CSMD1: variants seen among roughly 807,000 people sequenced by gnomAD.
CSMD1 encodes the protein CUB and Sushi multiple domains 1, also known as CUB and sushi domain-containing protein 1.
In CSMD1, 213 loss-of-function variants were observed where a neutral mutation model predicts 417.5. That is an observed-to-expected ratio of 0.51 (90% confidence interval 0.46 to 0.57). CSMD1 has a LOEUF of 0.57. Among genes scored for constraint, CSMD1 ranks in the 20% least tolerant of loss-of-function variants. The probability of loss-of-function intolerance (pLI) is 0.00; values close to 1 mark genes in which losing one functional copy is unlikely to be tolerated. For missense variants in CSMD1, 6,923 were observed against 4,529.7 expected, an observed-to-expected ratio of 1.53 and a Z score of -15.17; for synonymous variants, 2,862 against 1,736.8, an observed-to-expected ratio of 1.65 and a Z score of -16.11.
intron 3 of CSMD1, among the ~76,000 whole-genome samples, chr8:4,087,641 C>G (rs10097892): frequency 2.6e-5 from 4 of 152,088 alleles, no homozygotes; most frequent in Non-Finnish European, 4.4e-5. Context: ...GATACTCTCA[C>G]ATTCTTACTC....
chr8:2,996,187 G>A (rs549292101), intron 54 of CSMD1, among the ~76,000 whole-genome samples: 1 of 152,118 alleles, frequency 6.6e-6, no homozygotes, highest in Admixed American at 6.5e-5. Flanking sequence ...GGAAAAAAGA[G>A]AGAGAATTGA....
intron 1 of CSMD1, among the ~76,000 whole-genome samples, chr8:4,901,497 C>T (rs982775377): frequency 6.6e-6 from 1 of 151,612 alleles, no homozygotes; most frequent in Admixed American, 6.6e-5. Context: ...TATGTTTTTC[C>T]ATCTTTGTGA....
chr8:4,147,910 G>A (rs973431012), intron 3 of CSMD1, among the ~76,000 whole-genome samples: 9 of 152,080 alleles, frequency 5.9e-5, no homozygotes, highest in Non-Finnish European at 1.2e-4. Flanking sequence ...CAAAGCCTCG[G>A]AGGCTCCTGC....
At chr8:3,996,135 C>G (rs986795402) in intron 5 of CSMD1, among the ~76,000 whole-genome samples, 1 of 152,192 alleles carries the variant, frequency 6.6e-6, no homozygotes, top group Non-Finnish European at 1.5e-5. Flanking sequence ...TTGGCAAAAG[C>G]TGCCACTGAT....
At chr8:3,584,004 T>G (rs1375830299) in intron 9 of CSMD1, among the ~76,000 whole-genome samples, 1 of 151,950 alleles carries the variant, frequency 6.6e-6, no homozygotes, top group Non-Finnish European at 1.5e-5. Flanking sequence ...TCAACACTAG[T>G]AAAACCCATC....
At chr8:3,060,916 T>C (rs192015111) in intron 49 of CSMD1, among the ~76,000 whole-genome samples, 437 of 152,314 alleles carry the variant, frequency 2.9e-3, no homozygotes, top group Non-Finnish European at 4.3e-3. Context: ...AGAGATGCTG[T>C]GGGTATGCTG....
intron 6 of CSMD1, among the ~76,000 whole-genome samples, chr8:3,711,899 AC>A (rs1167530653): frequency 6.6e-6 from 1 of 152,196 alleles, no homozygotes; most frequent in Non-Finnish European, 1.5e-5. Context: ...AACAGATAAG[AC>A]AAACAGAGAT....
rs377439041 is a variant in CSMD1, at chr8:3,497,842, A to G, written c.1345-4116T>C. On this transcript the variant is annotated intron_variant, in intron 10 of 69. Transcript: ENST00000635120. ...TTTTTGTGGTTTGGTGGTTTTCTGT[A>G]GTGATATGGTTTTACTTCTTTCTCA... Among the ~76,000 whole-genome samples, 11 of 152,108 alleles carry G rather than the reference A, an allele frequency of 7.2e-5. No homozygotes were observed. In the East Asian group the frequency reaches 1.5e-3, roughly 21 times the overall value.
chr8:3,179,173 CT>C (rs1209761610), intron 37 of CSMD1, among the ~76,000 whole-genome samples: 1 of 151,602 alleles, frequency 6.6e-6, no homozygotes, highest in South Asian at 2.1e-4. Context: ...TCTCGATCTC[CT>C]GACCTCGTGA....
chr8:3,649,444 G>C (rs1797735239), intron 7 of CSMD1, among the ~76,000 whole-genome samples: 1 of 152,124 alleles, frequency 6.6e-6, no homozygotes. Flanking sequence ...AATTTATCAA[G>C]AGGCTGAATT....
At chr8:4,300,017 T>C (rs1797895193) in intron 3 of CSMD1, among the ~76,000 whole-genome samples, 1 of 152,198 alleles carries the variant, frequency 6.6e-6, no homozygotes, top group Admixed American at 6.5e-5. Context: ...ATCTACAAGT[T>C]TGTATAAAGA....
At chr8:3,123,823 A>C (rs1817346791) in intron 41 of CSMD1, among the ~76,000 whole-genome samples, 1 of 152,222 alleles carries the variant, frequency 6.6e-6, no homozygotes, top group Non-Finnish European at 1.5e-5. Context: ...CGTTTAACAG[A>C]GACACACACA....
intron 8 of CSMD1, among the ~76,000 whole-genome samples, chr8:3,609,792 C>G (rs1328077442): frequency 1.5e-5 from 2 of 133,012 alleles, no homozygotes; most frequent in Admixed American, 1.5e-4. Context: ...AAAGAAAAGA[C>G]TGTTAAAAAG....
intron 2 of CSMD1, among the ~76,000 whole-genome samples, chr8:4,434,479 G>T (rs1798041219): frequency 6.6e-6 from 1 of 152,170 alleles, no homozygotes; most frequent in Non-Finnish European, 1.5e-5. Context: ...CACTCTAACA[G>T]AAGGAAAGAA....
chr8:3,297,333 T>A (rs1328302394), intron 25 of CSMD1, among the ~76,000 whole-genome samples: 1 of 152,124 alleles, frequency 6.6e-6, no homozygotes, highest in African/African-American at 2.4e-5. Flanking sequence ...TTTCTGAAAT[T>A]CATATGGAAG....
intron 3 of CSMD1, among the ~76,000 whole-genome samples, chr8:4,245,998 C>CA (rs1252843848): frequency 6.6e-6 from 1 of 152,164 alleles, no homozygotes; most frequent in Admixed American, 6.5e-5. Flanking sequence ...CATGAACATG[C>CA]AACCTAGGTC....
At chr8:3,204,227 C>A (rs1244096117) in intron 31 of CSMD1, among the ~76,000 whole-genome samples, 3 of 152,120 alleles carry the variant, frequency 2.0e-5, no homozygotes, top group Non-Finnish European at 4.4e-5. Context: ...ATGAGTATGA[C>A]TTCTTTAGCT....
intron 4 of CSMD1, among the ~76,000 whole-genome samples, chr8:4,022,119 A>AT: frequency 6.9e-6 from 1 of 144,130 alleles, no homozygotes; most frequent in Middle Eastern, 3.7e-3. Flanking sequence ...ATGGATATAG[A>AT]ATATATATAT....
At chr8:3,824,312 C>T (rs984024961) in intron 5 of CSMD1, among the ~76,000 whole-genome samples, 1 of 152,020 alleles carries the variant, frequency 6.6e-6, no homozygotes, top group Non-Finnish European at 1.5e-5. Context: ...GGCACAACAG[C>T]CTAGGAATAC....
Sources: allele counts gnomAD v4.1 joint callset (sites outside exome capture counted in the v4.1 genomes callset), GRCh38; gene constraint gnomAD v4.1.1; transcripts MANE v1.5; gene names NCBI Gene and HGNC (gene_info 2026-07-23, HGNC 2026-07-21).